Variants in CTNNA3 observed in about 807,000 individuals in gnomAD.
CTNNA3 encodes catenin alpha 3, also known as catenin alpha-3.
A neutral mutation model predicts 95.7 loss-of-function variants in CTNNA3; 76 were observed. The observed-to-expected ratio is 0.79, with a 90% CI of 0.66 to 0.96. The LOEUF (loss-of-function observed/expected upper bound fraction) is 0.96. Among genes scored for constraint, CTNNA3 ranks in the 40% least tolerant of loss-of-function variants. The probability of loss-of-function intolerance (pLI) is 0.00; values close to 1 mark genes in which losing one functional copy is unlikely to be tolerated. For synonymous variants in CTNNA3, 431 were observed against 374.4 expected, an observed-to-expected ratio of 1.15 and a Z score of -1.74; for missense variants, 1,191 against 1,089.8, an observed-to-expected ratio of 1.09 and a Z score of -1.31.
intron 5 of CTNNA3, among the ~76,000 whole-genome samples, chr10:67,383,926 A>G (rs1483669755): frequency 6.6e-6 from 1 of 152,190 alleles, no homozygotes; most frequent in Non-Finnish European, 1.5e-5. Context: ...GTTCCACTTA[A>G]TATCAAACCA....
chr10:67,296,488 G>A (rs1057093720), intron 5 of CTNNA3, among the ~76,000 whole-genome samples: 4 of 152,208 alleles, frequency 2.6e-5, no homozygotes, highest in South Asian at 2.1e-4. Flanking sequence ...AAATGGCAGC[G>A]ATTTTAGAAG....
chr10:66,708,245 T>G (rs529480960), intron 9 of CTNNA3, among the ~76,000 whole-genome samples: 9 of 151,336 alleles, frequency 5.9e-5, no homozygotes, highest in Non-Finnish European at 7.4e-5. Flanking sequence ...AAAACACCAC[T>G]GACTGGATGT....
chr10:67,241,868 T>A (rs759727826), intron 5 of CTNNA3, among the ~76,000 whole-genome samples: 9 of 152,128 alleles, frequency 5.9e-5, no homozygotes, highest in Non-Finnish European at 1.2e-4. Context: ...AAGCCAACAT[T>A]TACCAAGCAG....
At chr10:66,423,452 C>A (rs1298384834) in intron 11 of CTNNA3, among the ~76,000 whole-genome samples, 1 of 152,104 alleles carries the variant, frequency 6.6e-6, no homozygotes, top group Non-Finnish European at 1.5e-5. Context: ...TTTTAAAGTT[C>A]CCCTTGATCA....
chr10:66,910,531 C>T (rs1325932615), intron 7 of CTNNA3, among the ~76,000 whole-genome samples: 1 of 152,138 alleles, frequency 6.6e-6, no homozygotes, highest in Non-Finnish European at 1.5e-5. Context: ...GAATTTTATT[C>T]TCTAGAATTT....
chr10:67,038,767 A>T lies in CTNNA3; in HGVS notation c.1047+141550T>A, dbSNP rs531849783. Among the ~76,000 whole-genome samples the T allele has an allele frequency of 6.6e-5, 10 of 152,208 alleles. No individual in the cohort carries two copies. The East Asian group carries it at 1.9e-3, about 29-fold the overall frequency. ...GGCAGAACCAGGAGTTCAATATGAGATATTTTTTAAATGTCTCTCTTTATA... is the reference window on the plus strand; with the variant it reads ...GGCAGAACCAGGAGTTCAATATGAGTTATTTTTTAAATGTCTCTCTTTATA... On this transcript the variant is annotated intron_variant, in intron 7 of 17. Coordinates refer to ENST00000433211, the MANE Select transcript of CTNNA3 (RefSeq NM_013266.4).
chr10:65,925,372 A>G (rs1047501207), intron 17 of CTNNA3, among the ~76,000 whole-genome samples: 2 of 152,212 alleles, frequency 1.3e-5, no homozygotes, highest in Non-Finnish European at 2.9e-5. Flanking sequence ...AATGAAAATT[A>G]TCTGGTTCTC....
intron 5 of CTNNA3, among the ~76,000 whole-genome samples, chr10:67,463,421 G>GA (rs1847459727): frequency 6.6e-6 from 1 of 152,062 alleles, no homozygotes; most frequent in Non-Finnish European, 1.5e-5. Flanking sequence ...AAGACCATCT[G>GA]AAAAAACTGA....
chr10:66,841,848 C>T (rs1843075591), intron 7 of CTNNA3, among the ~76,000 whole-genome samples: 1 of 152,104 alleles, frequency 6.6e-6, no homozygotes, highest in African/African-American at 2.4e-5. Context: ...ATACTAACAA[C>T]TGCCATAAAA....
chr10:66,483,582 G>C (rs1839618391), intron 11 of CTNNA3, among the ~76,000 whole-genome samples: 2 of 151,928 alleles, frequency 1.3e-5, no homozygotes, highest in Admixed American at 1.3e-4. Context: ...TTTTAAAAAG[G>C]GTCTTTATTT....
At chr10:66,338,103 G>A (rs770983878) in intron 12 of CTNNA3, among the ~76,000 whole-genome samples, 4 of 151,936 alleles carry the variant, frequency 2.6e-5, no homozygotes, top group Admixed American at 2.0e-4. Context: ...CTGCACAATG[G>A]ACTATTATTC....
At chr10:66,371,255 G>C (rs186617467) in intron 12 of CTNNA3, among the ~76,000 whole-genome samples, 1 of 152,030 alleles carries the variant, frequency 6.6e-6, no homozygotes, top group Non-Finnish European at 1.5e-5. Flanking sequence ...AAGGGTAAAC[G>C]TTCCCCCTTT....
chr10:66,476,268 C>T (rs1589302918), intron 11 of CTNNA3, among the ~76,000 whole-genome samples: 1 of 151,844 alleles, frequency 6.6e-6, no homozygotes, highest in African/African-American at 2.4e-5. Flanking sequence ...GAATGCTGGG[C>T]TTAATATTTA....
intron 5 of CTNNA3, among the ~76,000 whole-genome samples, chr10:67,490,488 C>A (rs533052402): frequency 6.6e-6 from 1 of 152,234 alleles, no homozygotes; most frequent in Admixed American, 6.5e-5. Context: ...TCAAATTACA[C>A]GTGAATAAAA....
chr10:67,645,852 A>C (rs1839688262), intron 2 of CTNNA3, among the ~76,000 whole-genome samples: 1 of 150,934 alleles, frequency 6.6e-6, no homozygotes, highest in South Asian at 2.1e-4. Flanking sequence ...AAATAGGGAA[A>C]TTATTAAAAT....
intron 12 of CTNNA3, among the ~76,000 whole-genome samples, chr10:66,335,682 C>T (rs1329901482): frequency 6.6e-6 from 1 of 152,094 alleles, no homozygotes; most frequent in African/African-American, 2.4e-5. Flanking sequence ...GGGTCAGGGA[C>T]CCACTTGAGG....
At chr10:66,981,450 C>T (rs1252640850) in intron 7 of CTNNA3, among the ~76,000 whole-genome samples, 1 of 152,174 alleles carries the variant, frequency 6.6e-6, no homozygotes, top group African/African-American at 2.4e-5. Flanking sequence ...ACTTACCCAT[C>T]CCCATTTCCA....
chr10:66,114,681 C>G (rs954771617), intron 13 of CTNNA3, among the ~76,000 whole-genome samples: 2 of 151,638 alleles, frequency 1.3e-5, no homozygotes, highest in Non-Finnish European at 2.9e-5. Flanking sequence ...GAGATCGAGA[C>G]CATCCTGGCC....
intron 7 of CTNNA3, among the ~76,000 whole-genome samples, chr10:67,095,490 G>T (rs749310674): frequency 6.6e-6 from 1 of 151,606 alleles, no homozygotes; most frequent in Non-Finnish European, 1.5e-5. Context: ...ATTGATAATG[G>T]TTCAAATTAG....
Sources: allele counts gnomAD v4.1 joint callset (sites outside exome capture counted in the v4.1 genomes callset), GRCh38; gene constraint gnomAD v4.1.1; transcripts MANE v1.5; gene names NCBI Gene and HGNC (gene_info 2026-07-23, HGNC 2026-07-21).